The following FAM186B variants were observed in gnomAD, a reference collection of about 807,000 sequenced individuals.
FAM186B encodes protein FAM186B.
In FAM186B, 68 loss-of-function variants were observed where a neutral mutation model predicts 83.4. That is an observed-to-expected ratio of 0.81 (90% confidence interval 0.67 to 1.00). The LOEUF (loss-of-function observed/expected upper bound fraction) is 1.00. FAM186B is among the 50% of genes least tolerant of loss of function. FAM186B has a pLI of 0.00. For missense variants in FAM186B, 983 were observed against 1,099.2 expected (o/e 0.89, Z 1.49); for synonymous variants, 389 against 422.0 (o/e 0.92, Z 0.96).
chr12:49,595,076 G>C, intron 5 of FAM186B: 1 of 250,712 alleles, frequency 4.0e-6, no homozygotes, highest in Non-Finnish European at 7.9e-6. Flanking sequence ...ATAAATTAAA[G>C]TCTTAGTATA....
Position 49,600,725 on chromosome 12 carries a change from A to G in FAM186B, c.915T>C (p.His305=), listed in dbSNP as rs1437190072. The G allele has an allele frequency of 3.1e-6, 5 of 1,614,078 alleles. No homozygotes were observed. The Admixed American group carries it at 8.3e-5, about 27-fold the overall frequency. The part of the protein sequence containing the change: ...KQVEILGGRY[H]DLLLMKQALE... ...AGGCCTGCTTCATCAGGAGAAGGTC[A>G]TGGTACCTTCCCCCTAAGATCTCTA... The change falls in exon 4 of 7, where the codon CAT becomes CAC. Residue 305 remains histidine (H), a synonymous_variant. Transcript: ENST00000257894. This position sits in a 1 kb window ranked among gnomAD's most constrained non-coding sequence, Gnocchi z 4.3.
At chr12:49,590,827 G>A (rs1939565277) in intron 5 of FAM186B, among the ~76,000 whole-genome samples, 1 of 152,132 alleles carries the variant, frequency 6.6e-6, no homozygotes, top group Non-Finnish European at 1.5e-5. Flanking sequence ...GCCCAAGAAT[G>A]TAAGTACATA....
At chr12:49,616,170 C>T in the FAM186B span, among the ~76,000 whole-genome samples, 1 of 152,056 alleles carries the variant, frequency 6.6e-6, no homozygotes. Flanking sequence ...GCTGGGATTA[C>T]AGGTGCCCGC....
At chr12:49,605,781 A>C, upstream of FAM186B, 1 of 192,638 alleles carries the variant, frequency 5.2e-6, no homozygotes, top group Non-Finnish European at 9.6e-6. Flanking sequence ...TTTTTTTGAG[A>C]CGGAGTCTCC....
chr12:49,591,144 CAG>C, intron 5 of FAM186B, among the ~76,000 whole-genome samples: 1 of 152,276 alleles, frequency 6.6e-6, no homozygotes, highest in Non-Finnish European at 1.5e-5. Context: ...GGAACCCAAA[CAG>C]AAGCCAGCAG....
the FAM186B span, chr12:49,619,640 G>T: frequency 2.0e-6 from 1 of 512,118 alleles, no homozygotes; most frequent in Non-Finnish European, 3.6e-6. Flanking sequence ...TGGTTTTGTT[G>T]GAGGAGCTTA....
At chr12:49,610,074 C>T (rs1940069367), upstream of FAM186B, among the ~76,000 whole-genome samples, 1 of 150,754 alleles carries the variant, frequency 6.6e-6, no homozygotes, top group Non-Finnish European at 1.5e-5. Context: ...GAAGCAAAGC[C>T]AAAAGACCCA....
chr12:49,593,632 C>CAAA (rs34152009), intron 5 of FAM186B, among the ~76,000 whole-genome samples: 2 of 86,386 alleles, frequency 2.3e-5, no homozygotes, highest in African/African-American at 4.0e-5. Context: ...GACTCCATCT[C>CAAA]AAAAAAAAAA....
rs947636062 is a variant in FAM186B, at chr12:49,597,610, C to T, written c.2364+1145G>A. Among the ~76,000 whole-genome samples, 3 of 152,004 alleles carry T rather than the reference C, an allele frequency of 2.0e-5. No homozygotes were observed. In the East Asian group the frequency reaches 5.8e-4, roughly 29 times the overall value. On this transcript the variant is annotated intron_variant, in intron 5 of 6. Coordinates refer to ENST00000257894, the MANE Select transcript of FAM186B (RefSeq NM_032130.3). ...TTGCCAAATGAGTAGATTACTACTG[C>T]CCTTGCCAGAGGAGAGAGAAAAATG...
chr12:49,614,705 C>CTGCA, the FAM186B span, among the ~76,000 whole-genome samples: 19 of 152,106 alleles, frequency 1.2e-4, no homozygotes, highest in African/African-American at 4.8e-5. Flanking sequence ...TGTAACAAAC[C>CTGCA]TGCACATGTA....
chr12:49,615,157 T>A, the FAM186B span, among the ~76,000 whole-genome samples: 1 of 151,632 alleles, frequency 6.6e-6, no homozygotes, highest in African/African-American at 2.4e-5. Flanking sequence ...ACACATTGGG[T>A]ACAGTGTACA....
chr12:49,588,726 G>T (rs1357507519), intron 5 of FAM186B, 103 bp from the exon 6 acceptor site: 2 of 1,203,846 alleles, frequency 1.7e-6, no homozygotes, highest in Admixed American at 2.4e-5. Context: ...TGGACTCAGG[G>T]CTGAGTGGAG....
chr12:49,583,508 G>A, downstream of FAM186B: 1 of 177,572 alleles, frequency 5.6e-6, no homozygotes, highest in South Asian at 1.2e-4. Context: ...CAGCACAGCT[G>A]TGCTGTGCAT....
At chr12:49,594,838 G>A (rs1939675430) in intron 5 of FAM186B, among the ~76,000 whole-genome samples, 1 of 151,236 alleles carries the variant, frequency 6.6e-6, no homozygotes, top group South Asian at 2.1e-4. Context: ...TAGCACAACT[G>A]CACTCCAGCC....
chr12:49,584,037 C>A, downstream of FAM186B: 1 of 161,406 alleles, frequency 6.2e-6, no homozygotes, highest in Non-Finnish European at 1.4e-5. Flanking sequence ...CACCTTATGA[C>A]ACCTGGCTCT....
At chr12:49,589,913 A>G (rs906667698) in intron 5 of FAM186B, among the ~76,000 whole-genome samples, 2 of 148,728 alleles carry the variant, frequency 1.3e-5, no homozygotes, top group African/African-American at 5.0e-5. Flanking sequence ...CGCAGGAGGC[A>G]GAAGTTGCAG....
rs767776628 is a variant in FAM186B, at chr12:49,588,636, G to A, written c.2365-13C>T. 4 of 1,553,594 alleles carry A rather than the reference G, an allele frequency of 2.6e-6. No individual in the cohort carries two copies. The highest frequency in any genetic ancestry group is 2.3e-5 in the East Asian group (1 of 43,814). ...ACTCCAGCTGGAGCTAGAGGAACCA[G>A]CAGAGAGGCATCAGGGAAACAGGAA... On this transcript the variant is annotated splice_polypyrimidine_tract_variant and intron_variant, in intron 5 of 6. Transcript: ENST00000257894.
At chr12:49,603,030 C>T (rs868774650) in intron 3 of FAM186B, among the ~76,000 whole-genome samples, 155 bp downstream of exon 3, 2 of 152,160 alleles carry the variant, frequency 1.3e-5, no homozygotes, top group Non-Finnish European at 2.9e-5. Flanking sequence ...GGCCTGGGCT[C>T]AACCCTCAGC....
chr12:49,619,542 T>C, the FAM186B span: 10 of 701,758 alleles, frequency 1.4e-5, no homozygotes, highest in East Asian at 2.2e-4. Context: ...CAAGGCTTTG[T>C]TGAAGGAGCA....
Sources: gnomAD v4.1 joint callset for allele counts (sites outside exome capture counted in the v4.1 genomes callset) on GRCh38, gnomAD v4.1.1 for gene constraint, Gnocchi (gnomAD v3.1) non-coding constraint, MANE v1.5 for transcripts, NCBI Gene and HGNC (gene_info 2026-07-23, HGNC 2026-07-21) for gene names.